The following ARFGEF3 variants were observed in gnomAD, a reference collection of about 807,000 sequenced individuals.
ARFGEF3 encodes brefeldin A-inhibited guanine nucleotide-exchange protein 3.
Under a neutral mutation model 221.7 loss-of-function variants are expected in ARFGEF3, and 96 were observed. The ratio of observed to expected loss-of-function variants is 0.43; its 90% CI spans 0.37 to 0.51. ARFGEF3 has a LOEUF of 0.51. ARFGEF3 is among the 20% of genes least tolerant of loss of function. The pLI, the probability that ARFGEF3 is intolerant of heterozygous loss-of-function variation, is 0.00. For synonymous variants in ARFGEF3, 1,145 were observed against 1,126.8 expected (o/e 1.02, Z -0.32); for missense variants, 2,410 against 2,789.9 (o/e 0.86, Z 3.07).
intron 10 of ARFGEF3, among the ~76,000 whole-genome samples, chr6:138,261,046 A>G (rs1191110537): frequency 2.0e-5 from 3 of 152,188 alleles, no homozygotes; most frequent in Non-Finnish European, 4.4e-5. Flanking sequence ...GGCTCCATGT[A>G]GCTTTAGAAA....
At chr6:138,273,864 A>G (rs1779047534) in intron 12 of ARFGEF3, among the ~76,000 whole-genome samples, 1 of 152,258 alleles carries the variant, frequency 6.6e-6, no homozygotes, top group Admixed American at 6.5e-5. Flanking sequence ...CATAGCAAGA[A>G]AATGGCTGTT....
chr6:138,322,638 T>C (rs1780052779), intron 29 of ARFGEF3, among the ~76,000 whole-genome samples: 1 of 151,586 alleles, frequency 6.6e-6, no homozygotes, highest in Non-Finnish European at 1.5e-5. Flanking sequence ...CTACTAAAAA[T>C]ACAAAAATTA....
chr6:138,227,155 G>A (rs1180045706), intron 4 of ARFGEF3, among the ~76,000 whole-genome samples: 2 of 151,558 alleles, frequency 1.3e-5, no homozygotes, highest in Non-Finnish European at 2.9e-5. Flanking sequence ...TTGGCTGGGG[G>A]CCTGGGTGCA....
chr6:138,270,772 T>C (rs9494987), intron 12 of ARFGEF3, among the ~76,000 whole-genome samples: 10,435 of 151,494 alleles, frequency 0.069, 1,153 homozygotes, highest in African/African-American at 0.24. Context: ...AACACTGGAG[T>C]GGGGTGAATT....
chr6:138,170,598 C>T lies in ARFGEF3; in HGVS notation c.86-64C>T, dbSNP rs145455586. On this transcript the variant is annotated intron_variant, in intron 1 of 33. Coordinates refer to ENST00000251691, the MANE Select transcript of ARFGEF3 (RefSeq NM_020340.5). ...GAAAAGAGAAACTAACAGAGAAATTCATGTACAATGTATATTCTCAGTGTT... is the reference window on the plus strand; with the variant it reads ...GAAAAGAGAAACTAACAGAGAAATTTATGTACAATGTATATTCTCAGTGTT... 693 of 859,630 alleles carry T rather than the reference C, an allele frequency of 8.1e-4. 2 individuals are homozygous for T. In the African/African-American group the frequency reaches 0.01, roughly 12 times the overall value. 53.3% of individuals were successfully genotyped at this position (859,630 alleles called of 1,614,324 possible).
rs772861520 is a variant in ARFGEF3 at position 138,210,003 on chromosome 6, C to A, written c.313C>A (p.Pro105Thr). The part of the protein sequence containing the change: ...NQILNAVKVT[P>T]SLNEDLQVEV... ...GATACTGAATGCCGTGAAAGTGACG[C>A]CTTCGCTCAACGAGGACCTGCAGGT... The change falls in exon 4 of 34, where the codon CCT (proline) becomes ACT (threonine). Residue 105 changes from proline (P) to threonine (T), a missense_variant. Physicochemically the swap from Pro to Thr is conservative, Grantham distance 38. Transcript: ENST00000251691. 4 of 1,613,842 alleles carry A rather than the reference C, an allele frequency of 2.5e-6. No homozygotes were observed. The highest frequency in any genetic ancestry group is 2.2e-5 in the South Asian group (2 of 91,054).
intron 2 of ARFGEF3, among the ~76,000 whole-genome samples, chr6:138,200,161 T>A (rs1378834349): frequency 1.3e-5 from 2 of 152,232 alleles, no homozygotes; most frequent in East Asian, 3.8e-4. Context: ...TAATTCTGTT[T>A]ATATGGTATA....
intron 4 of ARFGEF3, among the ~76,000 whole-genome samples, chr6:138,226,028 C>T (rs142623161): frequency 6.7e-4 from 102 of 152,314 alleles, no homozygotes; most frequent in African/African-American, 2.4e-3. Flanking sequence ...CAATTAAACA[C>T]CAAATCACAT....
chr6:138,298,582 G>GC, intron 21 of ARFGEF3, 24 bp from the exon 22 acceptor site: 2 of 1,600,852 alleles, frequency 1.2e-6, no homozygotes, highest in South Asian at 2.3e-5. Context: ...CTGATGGTGA[G>GC]CCACTCTCTC....
rs766579661 is a variant in ARFGEF3, at chr6:138,289,938, A to G, written c.3017A>G (p.His1006Arg). The change falls in exon 18 of 34, where the codon CAC becomes CGC. Residue 1006 changes from histidine (H) to arginine (R), a missense_variant. His to Arg is a conservative substitution (Grantham distance 29). Transcript: ENST00000251691. ...AGCGTAGGCCTGGAGATGGGAAGCC[A>G]CAACCCGGACTGCTGGCCACACGTG... Reference protein sequence around the residue: ...ILSVGLEMGSHNPDCWPHVFR... With the variant: ...ILSVGLEMGSRNPDCWPHVFR... 1.2e-6 allele frequency: 2 copies of G among 1,613,596 alleles called. No individual in the cohort carries two copies. The highest frequency in any genetic ancestry group is 1.7e-6 in the Non-Finnish European group (2 of 1,179,720).
intron 14 of ARFGEF3, among the ~76,000 whole-genome samples, chr6:138,280,981 T>C (rs1779187377): frequency 6.6e-6 from 1 of 152,188 alleles, no homozygotes; most frequent in Admixed American, 6.5e-5. Flanking sequence ...AGAGCTTTTA[T>C]CTTTTTTAAG....
chr6:138,206,633 A>G (rs1047920541), intron 2 of ARFGEF3, among the ~76,000 whole-genome samples: 3 of 152,218 alleles, frequency 2.0e-5, no homozygotes, highest in Non-Finnish European at 4.4e-5. Flanking sequence ...CAGGTAAGGA[A>G]GAGGTAGAAG....
Position 138,263,454 on chromosome 6 carries a change from C to T in ARFGEF3, c.1971C>T (p.Ala657=), listed in dbSNP as rs747513186. 3 of 1,613,950 alleles carry T rather than the reference C, an allele frequency of 1.9e-6. No homozygotes were observed. The South Asian group carries it at 3.3e-5, about 18-fold the overall frequency. ...CLGHRSLRTA[A]LSLKLLKNQE... Reference sequence around the variant, plus strand: ...GCCACCGGTCCCTGCGAACTGCCGCCCTGTCTCTAAAACTGCTGAAGAACC... The same window carrying T: ...GCCACCGGTCCCTGCGAACTGCCGCTCTGTCTCTAAAACTGCTGAAGAACC... The change falls in exon 12 of 34, where the codon GCC becomes GCT. Residue 657 remains alanine (A), a synonymous_variant. Transcript: ENST00000251691.
intron 2 of ARFGEF3, among the ~76,000 whole-genome samples, chr6:138,204,102 G>A (rs1777586105): frequency 6.6e-6 from 1 of 151,730 alleles, no homozygotes; most frequent in Non-Finnish European, 1.5e-5. Flanking sequence ...GCTTTGGGAG[G>A]CCAAGGTGGG....
At chr6:138,200,442 C>A (rs1777513924) in intron 2 of ARFGEF3, among the ~76,000 whole-genome samples, 1 of 152,272 alleles carries the variant, frequency 6.6e-6, no homozygotes, top group Admixed American at 6.5e-5. Context: ...AGGCCATAGT[C>A]ACTAAAACAG....
intron 33 of ARFGEF3, 66 bp downstream of exon 33, chr6:138,335,254 T>A: frequency 2.1e-6 from 3 of 1,434,150 alleles, no homozygotes; most frequent in African/African-American, 1.4e-5. Flanking sequence ...GGGCCCCCCC[T>A]TGCAGAGCAG....
chr6:138,277,098 C>T (rs1779112038), intron 12 of ARFGEF3, among the ~76,000 whole-genome samples: 1 of 152,172 alleles, frequency 6.6e-6, no homozygotes, highest in Non-Finnish European at 1.5e-5. Flanking sequence ...GTTGTGCAAG[C>T]ATTTCCAGAA....
intron 17 of ARFGEF3, among the ~76,000 whole-genome samples, chr6:138,287,821 T>A (rs1377684388): frequency 6.6e-6 from 1 of 152,190 alleles, no homozygotes; most frequent in Non-Finnish European, 1.5e-5. Context: ...CTATCAGATA[T>A]GTACAGTAAC....
chr6:138,234,627 A>G (rs541870628), intron 5 of ARFGEF3, among the ~76,000 whole-genome samples: 2 of 152,300 alleles, frequency 1.3e-5, no homozygotes, highest in South Asian at 4.2e-4. Flanking sequence ...ATGATTAATC[A>G]TGAAACTTAG....
Sources: allele counts gnomAD v4.1 joint callset (sites outside exome capture counted in the v4.1 genomes callset), GRCh38; gene constraint gnomAD v4.1.1; transcripts MANE v1.5; gene names NCBI Gene and HGNC (gene_info 2026-07-23, HGNC 2026-07-21).